The following SOS1 variants were observed in gnomAD, a reference collection of about 807,000 sequenced individuals.
The protein encoded by SOS1 is son of sevenless homolog 1.
Under a neutral mutation model 157.6 loss-of-function variants are expected in SOS1, and 25 were observed. The observed-to-expected ratio is 0.16, with a 90% CI of 0.12 to 0.22. SOS1 has a LOEUF of 0.22. SOS1 is among the 10% of genes least tolerant of loss of function. SOS1 has a pLI of 1.00. For missense variants in SOS1, 1,237 were observed against 1,599.1 expected, an observed-to-expected ratio of 0.77 and a Z score of 3.86; for synonymous variants, 528 against 534.0, an observed-to-expected ratio of 0.99 and a Z score of 0.16.
rs149594930 is a variant in SOS1, at chr2:39,095,120, C to G, written c.87+25216G>C. On this transcript the variant is annotated intron_variant, in intron 1 of 22. Transcript: ENST00000402219. ...TAGACTGAATGAAGTTTAAAAACCT[C>G]AGTTACAAACCAGCTGTTCAAATTT... Among the ~76,000 whole-genome samples, 175 of 152,306 alleles carry G rather than the reference C, an allele frequency of 1.1e-3. 1 individual carries two copies. Among genetic ancestry groups the G allele is most frequent in the Non-Finnish European group, 2.1e-3 (142 of 68,028 alleles).
At chr2:39,116,151 C>T (rs952693171) in intron 1 of SOS1, among the ~76,000 whole-genome samples, 1 of 148,340 alleles carries the variant, frequency 6.7e-6, no homozygotes, top group African/African-American at 2.5e-5. Flanking sequence ...TACCAACAAC[C>T]AATAGCCAGT....
At chr2:39,046,495 C>CTTTTTTTTTTTTTTTTTTTTTTT (rs201639147) in intron 6 of SOS1, among the ~76,000 whole-genome samples, 1 of 124,382 alleles carries the variant, frequency 8.0e-6, no homozygotes, top group African/African-American at 3.3e-5. Context: ...GAGACAGTGT[C>CTTTTTTTTTTTTTTTTTTTTTTT]TTTTTTTTTT....
chr2:39,123,781 A>T (rs900304489), upstream of SOS1, among the ~76,000 whole-genome samples: 1 of 152,246 alleles, frequency 6.6e-6, no homozygotes. Flanking sequence ...CATGCAGGAA[A>T]GTTCCAGGAC....
At chr2:39,094,414 G>A (rs553868632) in intron 1 of SOS1, among the ~76,000 whole-genome samples, 10 of 152,090 alleles carry the variant, frequency 6.6e-5, no homozygotes, top group Non-Finnish European at 1.0e-4. Flanking sequence ...TTGGGAGGCC[G>A]AGGCAGGTGG....
intron 1 of SOS1, among the ~76,000 whole-genome samples, chr2:39,093,877 T>C (rs1337819585): frequency 2.0e-5 from 3 of 152,264 alleles, no homozygotes; most frequent in South Asian, 2.1e-4. Context: ...TCAGATTCCA[T>C]GTTGCAATTA....
intron 1 of SOS1, among the ~76,000 whole-genome samples, chr2:39,083,287 G>C (rs1259507736): frequency 6.6e-6 from 1 of 152,006 alleles, no homozygotes; most frequent in Non-Finnish European, 1.5e-5. Context: ...AAGCAGAATG[G>C]AATCTAGTGA....
At chr2:39,121,073 G>A (rs1331422686), upstream of SOS1, 2 of 154,186 alleles carry the variant, frequency 1.3e-5, no homozygotes, top group South Asian at 1.7e-4. Flanking sequence ...GCCGTGCTGG[G>A]CTGGTTCGCT....
intron 20 of SOS1, chr2:38,993,051 C>T (rs1668780269): frequency 6.7e-6 from 1 of 148,342 alleles, no homozygotes; most frequent in African/African-American, 2.5e-5. Context: ...GCCTTGGCAA[C>T]ACAGCGAGAC....
chr2:39,122,469 CACACAT>C (rs1283086672), upstream of SOS1, among the ~76,000 whole-genome samples: 1 of 142,696 alleles, frequency 7.0e-6, no homozygotes, highest in Non-Finnish European at 1.5e-5. Context: ...CACACACACA[CACACAT>C]ACACACAGAC....
chr2:39,055,744 C>A (rs138235135), intron 4 of SOS1, among the ~76,000 whole-genome samples: 206 of 152,242 alleles, frequency 1.4e-3, no homozygotes, highest in East Asian at 6.0e-3. Context: ...TTCCTTTCTG[C>A]AAAGTTGTTT....
intron 2 of SOS1, among the ~76,000 whole-genome samples, chr2:39,062,245 C>T (rs548066321): frequency 2.0e-5 from 3 of 151,496 alleles, no homozygotes; most frequent in Admixed American, 1.3e-4. Flanking sequence ...CAGTAAAACC[C>T]TGTCTCTACT....
chr2:39,113,388 G>C (rs1324047209), intron 1 of SOS1, among the ~76,000 whole-genome samples: 2 of 149,602 alleles, frequency 1.3e-5, no homozygotes, highest in African/African-American at 4.9e-5. Flanking sequence ...TGTAGAGACA[G>C]GGTCTCACTA....
intron 2 of SOS1, among the ~76,000 whole-genome samples, chr2:39,061,682 T>G (rs1671410076): frequency 6.6e-6 from 1 of 152,172 alleles, no homozygotes; most frequent in Non-Finnish European, 1.5e-5. Context: ...GCCACTGCAT[T>G]CGGCCTTCAT....
chr2:38,983,212 T>TA lies in SOS1; in HGVS notation c.*2611dup, dbSNP rs1256225505. On this transcript the variant is annotated 3_prime_UTR_variant, in exon 23 of 23. Coordinates refer to ENST00000402219, the MANE Select transcript of SOS1 (RefSeq NM_005633.4). ...AAGCAGAATTTTGTAATGATGCATT[T>TA]ATCTCCTCAGCCATTTCTGGTCCCT... The TA allele has an allele frequency of 6.6e-6, 1 of 152,174 alleles. No individual in the cohort carries two copies. The highest frequency in any genetic ancestry group is 1.5e-5 in the Non-Finnish European group (1 of 68,018). The allele number at this position is 152,174 out of a possible 1,614,324, so 9.4% of individuals were successfully genotyped here.
rs533145819 is a variant in SOS1 at position 39,046,561 on chromosome 2, G to A, written c.864+4583C>T. 1.2e-3 allele frequency among the ~76,000 whole-genome samples: 183 copies of A among 147,722 alleles called. 1 individual carries two copies. The highest frequency in any genetic ancestry group is 4.2e-3 in the African/African-American group (167 of 39,660). On this transcript the variant is annotated intron_variant, in intron 6 of 22. Transcript: ENST00000402219. ...GCTCTGTCGCCCAGGCTGGAGTGCA[G>A]TGGCGGGATCTCGGCTCACTGCAAG... is the stretch of plus-strand genomic sequence containing the variant.
In SOS1 at chr2:39,120,655, G is replaced by A. The variant is rs1286038078; in HGVS notation, c.-233C>T. Among the ~76,000 whole-genome samples, 3 of 147,272 alleles carry A rather than the reference G, an allele frequency of 2.0e-5. No homozygotes were observed. The highest frequency in any genetic ancestry group is 4.9e-5 in the African/African-American group (2 of 41,048). ...CCGTGGAGAACGGACGCGGCCCGGA[G>A]GCGGCGGCATCCCGCACCACCGCCC... On this transcript the variant is annotated 5_prime_UTR_variant, in exon 1 of 23. Coordinates refer to ENST00000402219, the MANE Select transcript of SOS1 (RefSeq NM_005633.4).
chr2:39,083,376 G>T (rs1481192156), intron 1 of SOS1, among the ~76,000 whole-genome samples: 1 of 152,104 alleles, frequency 6.6e-6, no homozygotes, highest in Non-Finnish European at 1.5e-5. Context: ...TATTCTTAAG[G>T]AAGTCAGGAG....
intron 10 of SOS1, among the ~76,000 whole-genome samples, chr2:39,020,220 A>G (rs921741466): frequency 2.6e-5 from 4 of 151,650 alleles, no homozygotes; most frequent in African/African-American, 4.8e-5. Context: ...TTAGAGATCT[A>G]TAGCTCCATT....
intron 3 of SOS1, 41 bp from the exon 4 acceptor site, chr2:39,056,907 T>G: frequency 7.4e-7 from 1 of 1,355,862 alleles, no homozygotes; most frequent in South Asian, 1.2e-5. Context: ...CATCATATAC[T>G]GTACATTTAA....
Sources: gnomAD v4.1 joint callset for allele counts (sites outside exome capture counted in the v4.1 genomes callset) on GRCh38, gnomAD v4.1.1 for gene constraint, MANE v1.5 for transcripts, NCBI Gene and HGNC (gene_info 2026-07-23, HGNC 2026-07-21) for gene names.